ZNF385C: variants seen among roughly 807,000 people sequenced by gnomAD.
ZNF385C encodes CTD-2132N18.2.
A neutral mutation model predicts 35.4 loss-of-function variants in ZNF385C; 28 were observed. The observed-to-expected ratio is 0.79, with a 90% CI of 0.59 to 1.08. The LOEUF is 1.08. ZNF385C is among the 50% of genes least tolerant of loss of function. ZNF385C has a pLI of 0.00. For synonymous variants in ZNF385C, 248 were observed against 248.2 expected (o/e 1.00, Z 0.01); for missense variants, 605 against 595.6 (o/e 1.02, Z -0.16).
intron 2 of ZNF385C, among the ~76,000 whole-genome samples, chr17:42,047,535 G>C (rs1317185530): frequency 1.3e-5 from 2 of 152,148 alleles, no homozygotes; most frequent in Admixed American, 1.3e-4. Flanking sequence ...AGTGCCCTGT[G>C]TGGAACCAGC....
Position 42,095,708 on chromosome 17 carries a change from C to T in ZNF385C, c.-3+2702G>A, listed in dbSNP as rs1253226442. On this transcript the variant is annotated intron_variant, in intron 1 of 8. Coordinates refer to ENST00000692273, the MANE Select transcript of ZNF385C (RefSeq NM_001392013.1). The surrounding 1 kb of genome is among the most constrained non-coding windows in gnomAD (Gnocchi z 4.4). ...CTTGTTGATGACAACTGACAATCTT[C>T]ATTTCACCTTGAAACTCCGTCCTGG... Among the ~76,000 whole-genome samples, 3 of 152,142 alleles carry T rather than the reference C, an allele frequency of 2.0e-5. No homozygotes were observed. The highest frequency in any genetic ancestry group is 4.4e-5 in the Non-Finnish European group (3 of 68,024).
chr17:42,049,629 G>A (rs1471459340), intron 2 of ZNF385C, among the ~76,000 whole-genome samples: 2 of 152,236 alleles, frequency 1.3e-5, no homozygotes, highest in Non-Finnish European at 2.9e-5. Context: ...CTATGCACAG[G>A]ATCTCAGAAT....
At chr17:42,037,351 T>C (rs1346284777) in intron 3 of ZNF385C, among the ~76,000 whole-genome samples, 1 of 149,512 alleles carries the variant, frequency 6.7e-6, no homozygotes, top group African/African-American at 2.5e-5. Flanking sequence ...ACAAAACCTA[T>C]AGAAACTACA....
At chr17:42,051,229 G>A (rs1555657096) in intron 2 of ZNF385C, among the ~76,000 whole-genome samples, 3 of 151,872 alleles carry the variant, frequency 2.0e-5, no homozygotes. Context: ...AGCCTCCTCC[G>A]GAGGAGTTGG....
At chr17:42,039,457 G>T (rs897298032) in intron 2 of ZNF385C, 2 of 378,838 alleles carry the variant, frequency 5.3e-6, no homozygotes, top group Admixed American at 9.1e-5. Context: ...GGCCAGGAAT[G>T]ATTTAGGGTA....
chr17:42,083,619 A>G (rs1294098542), intron 1 of ZNF385C, among the ~76,000 whole-genome samples: 1 of 149,114 alleles, frequency 6.7e-6, no homozygotes, highest in Non-Finnish European at 1.5e-5. Context: ...TGTTGTCTTT[A>G]TTAAGTTTTT....
intron 2 of ZNF385C, chr17:42,039,601 G>T: frequency 1.9e-6 from 2 of 1,076,646 alleles, no homozygotes; most frequent in Non-Finnish European, 2.4e-6. Context: ...CCCCTGGGAG[G>T]CTGCAGTCAG....
At chr17:42,074,133 C>A (rs80011129) in intron 1 of ZNF385C, among the ~76,000 whole-genome samples, 17,675 of 152,254 alleles carry the variant, frequency 0.12, 1,211 homozygotes, top group Middle Eastern at 0.26. Context: ...CAGTTTACCA[C>A]CCTCTTAGGG....
chr17:42,039,682 G>A (rs1392915175), intron 2 of ZNF385C: 1 of 1,232,150 alleles, frequency 8.1e-7, no homozygotes, highest in South Asian at 4.1e-5. Flanking sequence ...CAGGCTGGAT[G>A]GGCCGAGGGA....
chr17:42,054,856 A>G (rs1205953950), intron 2 of ZNF385C, among the ~76,000 whole-genome samples: 1 of 152,130 alleles, frequency 6.6e-6, no homozygotes, highest in Non-Finnish European at 1.5e-5. Context: ...TGTTAGGATT[A>G]CAGGTGTGAG....
intron 2 of ZNF385C, among the ~76,000 whole-genome samples, chr17:42,057,264 C>T (rs782055478): frequency 2.0e-5 from 3 of 152,158 alleles, no homozygotes; most frequent in Non-Finnish European, 2.9e-5. Context: ...TGTCATCATC[C>T]GTGCCTAGGA....
intron 1 of ZNF385C, among the ~76,000 whole-genome samples, chr17:42,075,687 G>A (rs566121920): frequency 5.3e-5 from 8 of 152,038 alleles, no homozygotes; most frequent in African/African-American, 1.9e-4. Context: ...GTAGAGACAG[G>A]GTTTCACCGT....
At chr17:42,069,172 C>T (rs2053589262) in intron 1 of ZNF385C, among the ~76,000 whole-genome samples, 1 of 152,004 alleles carries the variant, frequency 6.6e-6, no homozygotes, top group Admixed American at 6.6e-5. Context: ...AGGGAGCCAC[C>T]CACTTGGAGG....
chr17:42,032,302 A>C (rs1191737781), intron 4 of ZNF385C, among the ~76,000 whole-genome samples: 1 of 151,614 alleles, frequency 6.6e-6, no homozygotes, highest in Non-Finnish European at 1.5e-5. Context: ...CTCGTGATCC[A>C]CCCGCCTCAG....
At chr17:42,064,089 C>CACACACACAT (rs2053511551) in intron 1 of ZNF385C, among the ~76,000 whole-genome samples, 1 of 149,034 alleles carries the variant, frequency 6.7e-6, no homozygotes, top group Non-Finnish European at 1.5e-5. Flanking sequence ...CACACACACA[C>CACACACACAT]ACACACACAC....
In ZNF385C at chr17:42,028,868, T is replaced by A. The variant is rs950304051; in HGVS notation, c.882A>T (p.Glu294Asp). ...AAAVGSSMSGEGRSEKGHLYC... is the reference protein window; with the variant it reads ...AAAVGSSMSGDGRSEKGHLYC... ...AGAGGTGCCCCTTCTCACTCCTGCC[T>A]TCCCCACTCATGCTGCTTCCCACGG... Residue 294 changes from glutamate to aspartate, a missense_variant, in exon 6 of 9, where the codon GAA (glutamate) becomes GAT (aspartate). By Grantham distance (45) the Glu-to-Asp change is conservative. Coordinates refer to ENST00000692273, the MANE Select transcript of ZNF385C (RefSeq NM_001392013.1). 9 of 1,550,508 alleles carry A rather than the reference T, an allele frequency of 5.8e-6. No homozygotes were observed. Among genetic ancestry groups the A allele is most frequent in the Non-Finnish European group, 7.8e-6 (9 of 1,146,996 alleles).
At chr17:42,065,817 C>T (rs1397662731) in intron 1 of ZNF385C, among the ~76,000 whole-genome samples, 3 of 152,044 alleles carry the variant, frequency 2.0e-5, no homozygotes. Flanking sequence ...CATGAGCCAC[C>T]ATGCCCAGCC....
Position 42,029,040 on chromosome 17 carries a change from T to C in ZNF385C, c.710A>G (p.Gln237Arg). The C allele has an allele frequency of 1.3e-6, 2 of 1,550,098 alleles. No individual in the cohort carries two copies. Among genetic ancestry groups the C allele is most frequent in the Non-Finnish European group, 1.7e-6 (2 of 1,146,938 alleles). ...PAAPPLGPPLQPPPTPDPTCR... is the reference protein window; with the variant it reads ...PAAPPLGPPLRPPPTPDPTCR... ...TGTAGGGTCTGGAGTTGGTGGTGGC[T>C]GGAGTGGAGGCCCAAGAGGAGGGGC... Residue 237 changes from glutamine to arginine, a missense_variant, in exon 6 of 9, where the codon CAG (glutamine) becomes CGG (arginine). Physicochemically the swap from Gln to Arg is conservative, Grantham distance 43. Transcript: ENST00000692273.
At position 42,029,055 on chromosome 17, in the gene ZNF385C, A is replaced by G. The variant is rs142685780; in HGVS notation, c.695T>C (p.Leu232Pro). 8 of 1,549,622 alleles carry G rather than the reference A, an allele frequency of 5.2e-6. No individual in the cohort carries two copies. The East Asian group carries it at 2.0e-4, about 38-fold the overall frequency. ...TGGTGGTGGCTGGAGTGGAGGCCCA[A>G]GAGGAGGGGCTGCAGGAACTGCTGC... ...PQSKVPAAPP[L>P]GPPLQPPPTP... is the part of the protein sequence containing the mutation. The change falls in exon 6 of 9, where the codon CTT becomes CCT. Residue 232 changes from leucine to proline, a missense_variant. Coordinates refer to ENST00000692273, the MANE Select transcript of ZNF385C (RefSeq NM_001392013.1).
Sources: allele counts gnomAD v4.1 joint callset (sites outside exome capture counted in the v4.1 genomes callset), GRCh38; gene constraint gnomAD v4.1.1; non-coding constraint Gnocchi (gnomAD v3.1); transcripts MANE v1.5; gene names NCBI Gene and HGNC (gene_info 2026-07-23, HGNC 2026-07-21).